IFNG-AS1: variants seen among roughly 807,000 people sequenced by gnomAD.
The protein encoded by IFNG-AS1 is IFNG regulatory antisense RNA 1.
intron 3 of IFNG-AS1, among the ~76,000 whole-genome samples, chr12:68,010,920 A>G (rs1390156144): frequency 6.6e-6 from 1 of 151,870 alleles, no homozygotes; most frequent in East Asian, 1.9e-4. Context: ...AATAATAGTT[A>G]CTCTTTCTTT....
intron 3 of IFNG-AS1, among the ~76,000 whole-genome samples, chr12:68,007,772 CAGAT>C (rs1199937194): frequency 6.6e-6 from 1 of 151,932 alleles, no homozygotes; most frequent in Non-Finnish European, 1.5e-5. Context: ...TTAGCCATGA[CAGAT>C]AGATAGAAAG....
At chr12:68,015,958 A>G (rs117295446) in intron 3 of IFNG-AS1, among the ~76,000 whole-genome samples, 3,087 of 152,176 alleles carry the variant, frequency 0.02, 39 homozygotes, top group Non-Finnish European at 0.031. Flanking sequence ...GGGGGAAAAA[A>G]AACCTTTCCC....
intron 3 of IFNG-AS1, among the ~76,000 whole-genome samples, chr12:68,014,833 T>C (rs114214984): frequency 6.0e-4 from 91 of 152,270 alleles, no homozygotes; most frequent in African/African-American, 2.1e-3. Context: ...CTATTGGTTC[T>C]ATTTCTTTGG....
chr12:68,010,548 A>G (rs1172779240), intron 3 of IFNG-AS1, among the ~76,000 whole-genome samples: 1 of 152,142 alleles, frequency 6.6e-6, no homozygotes, highest in Admixed American at 6.5e-5. Flanking sequence ...ATCTCATAAC[A>G]TGCTGCCTTC....
intron 3 of IFNG-AS1, among the ~76,000 whole-genome samples, chr12:68,019,691 T>A (rs3814244): frequency 0.49 from 73,834 of 152,032 alleles, 19,602 homozygotes; most frequent in Non-Finnish European, 0.6. Flanking sequence ...TAAACTCTAA[T>A]AAAATTCTGA....
At chr12:68,008,442 C>T (rs1039323758) in intron 3 of IFNG-AS1, among the ~76,000 whole-genome samples, 4 of 151,462 alleles carry the variant, frequency 2.6e-5, no homozygotes, top group Non-Finnish European at 5.9e-5. Flanking sequence ...TGTAGAGATA[C>T]ATAGTCTTTA....
At chr12:68,007,065 AGT>A (rs1298313734) in intron 3 of IFNG-AS1, among the ~76,000 whole-genome samples, 1 of 152,236 alleles carries the variant, frequency 6.6e-6, no homozygotes, top group East Asian at 1.9e-4. Context: ...AAAAACAGTC[AGT>A]GTGTGTAGTA....
intron 3 of IFNG-AS1, among the ~76,000 whole-genome samples, chr12:68,008,255 A>C (rs1465592872): frequency 1.3e-5 from 2 of 152,114 alleles, no homozygotes; most frequent in Non-Finnish European, 2.9e-5. Context: ...TCTCCACTAA[A>C]AATGCAAAAA....
At chr12:68,005,430 C>T (rs892789988) in intron 2 of IFNG-AS1, among the ~76,000 whole-genome samples, 9 of 152,334 alleles carry the variant, frequency 5.9e-5, no homozygotes, top group Admixed American at 2.0e-4. Context: ...CCATTCTCCC[C>T]TTACACCCAC....
chr12:68,008,031 T>A (rs1879944423), intron 3 of IFNG-AS1, among the ~76,000 whole-genome samples: 1 of 152,168 alleles, frequency 6.6e-6, no homozygotes, highest in African/African-American at 2.4e-5. Context: ...CCAACTAGAA[T>A]TTAGCTAGGA....
intron 4 of IFNG-AS1, chr12:68,020,293 A>C (rs1414086659): frequency 6.6e-6 from 1 of 152,210 alleles, no homozygotes; most frequent in African/African-American, 2.4e-5. Flanking sequence ...AGTATTTGAA[A>C]GGAAAGTGTA....
chr12:68,006,544 C>T (rs1457116560), intron 3 of IFNG-AS1, among the ~76,000 whole-genome samples: 3 of 152,080 alleles, frequency 2.0e-5, no homozygotes, highest in Admixed American at 6.5e-5. Context: ...GATCTCTGCC[C>T]GGGTGTTTCA....
intron 3 of IFNG-AS1, among the ~76,000 whole-genome samples, chr12:68,007,438 C>G (rs1189585056): frequency 6.6e-6 from 1 of 152,118 alleles, no homozygotes; most frequent in Non-Finnish European, 1.5e-5. Context: ...TTGAAGAGAT[C>G]AAATTTATCA....
chr12:68,006,611 G>T (rs567830793), intron 3 of IFNG-AS1, among the ~76,000 whole-genome samples: 33 of 152,218 alleles, frequency 2.2e-4, no homozygotes, highest in African/African-American at 7.2e-4. Flanking sequence ...ATATAATTAA[G>T]GCCTCAAATC....
At chr12:68,020,759 T>G (rs911961254) in intron 4 of IFNG-AS1, 2 of 152,120 alleles carry the variant, frequency 1.3e-5, no homozygotes, top group African/African-American at 4.8e-5. Context: ...GTTGATAGTG[T>G]TGTGGAAAAC....
intron 1 of IFNG-AS1, among the ~76,000 whole-genome samples, chr12:67,990,148 G>A (rs1565684996): frequency 6.6e-6 from 1 of 152,028 alleles, no homozygotes; most frequent in Non-Finnish European, 1.5e-5. Flanking sequence ...AACACTACTG[G>A]TTCAGTTCCA....
intron 3 of IFNG-AS1, among the ~76,000 whole-genome samples, chr12:68,011,142 G>A (rs1455548702): frequency 1.3e-5 from 2 of 152,154 alleles, no homozygotes; most frequent in Non-Finnish European, 2.9e-5. Context: ...CTAAGGCACA[G>A]TAACAACAGG....
chr12:68,018,016 G>A (rs889751256), intron 3 of IFNG-AS1, among the ~76,000 whole-genome samples: 1 of 151,988 alleles, frequency 6.6e-6, no homozygotes, highest in African/African-American at 2.4e-5. Flanking sequence ...CCTGCCTTTT[G>A]CTTGATGTGT....
At chr12:68,013,587 G>A (rs1035295648) in intron 3 of IFNG-AS1, 3 of 152,168 alleles carry the variant, frequency 2.0e-5, no homozygotes, top group Non-Finnish European at 4.4e-5. Context: ...CCCTTGGCTG[G>A]ACCATGATGA....
Sources: allele counts gnomAD v4.1 joint callset (sites outside exome capture counted in the v4.1 genomes callset), GRCh38; gene constraint gnomAD v4.1.1; transcripts MANE v1.5; gene names NCBI Gene and HGNC (gene_info 2026-07-23, HGNC 2026-07-21).